The following BARX2 variants were observed in gnomAD, a reference collection of about 807,000 sequenced individuals.
BARX2 encodes the protein BARX homeobox 2, also known as homeobox protein BarH-like 2.
BARX2 carries 11 observed loss-of-function variants against 25.5 expected under a neutral mutation model. That is an observed-to-expected ratio of 0.43 (90% confidence interval 0.27 to 0.71). BARX2 has a LOEUF of 0.71. Ranked by LOEUF, BARX2 falls within the 30% of genes least tolerant of loss-of-function variation. The probability of loss-of-function intolerance (pLI) is 0.19; values close to 1 mark genes in which losing one functional copy is unlikely to be tolerated. For synonymous variants in BARX2, 137 were observed against 149.5 expected (o/e 0.92, Z 0.61); for missense variants, 360 against 359.9 (o/e 1.00, Z 0.00).
chr11:129,416,481 A>G (rs1341753902), intron 1 of BARX2, among the ~76,000 whole-genome samples: 1 of 152,234 alleles, frequency 6.6e-6, no homozygotes, highest in East Asian at 1.9e-4. Flanking sequence ...CCAATGGATT[A>G]TCTTTGGCTA....
At chr11:129,377,697 TATAATA>T (rs1861518345) in intron 1 of BARX2, among the ~76,000 whole-genome samples, 1 of 152,206 alleles carries the variant, frequency 6.6e-6, no homozygotes. Flanking sequence ...CATCCTTTGT[TATAATA>T]ACTCAATTCC....
chr11:129,447,714 T>C (rs76874668), intron 3 of BARX2, among the ~76,000 whole-genome samples: 2,086 of 152,094 alleles, frequency 0.014, 46 homozygotes, highest in African/African-American at 0.045. Flanking sequence ...CCAGGTGGGG[T>C]CCGTCCAAAC....
chr11:129,441,703 G>A (rs1026411019), intron 2 of BARX2, among the ~76,000 whole-genome samples: 2 of 152,180 alleles, frequency 1.3e-5, no homozygotes, highest in Non-Finnish European at 2.9e-5. Context: ...ACCCGCCTCG[G>A]CCTCCCAAAG....
chr11:129,450,750 A>G (rs1335456654), intron 3 of BARX2, among the ~76,000 whole-genome samples: 1 of 152,180 alleles, frequency 6.6e-6, no homozygotes, highest in Non-Finnish European at 1.5e-5. Context: ...AAAGTGTGTA[A>G]CAATCACACT....
At chr11:129,431,439 A>C (rs1365613589) in intron 1 of BARX2, among the ~76,000 whole-genome samples, 1 of 152,198 alleles carries the variant, frequency 6.6e-6, no homozygotes. Flanking sequence ...CAGTTGCTCC[A>C]CATCCTCACC....
At chr11:129,443,220 A>G (rs1862284156) in intron 3 of BARX2, among the ~76,000 whole-genome samples, 1 of 152,076 alleles carries the variant, frequency 6.6e-6, no homozygotes, top group Non-Finnish European at 1.5e-5. Flanking sequence ...CATGTGCAGA[A>G]CATGCAGTTT....
chr11:129,393,408 A>T (rs767975545), intron 1 of BARX2, among the ~76,000 whole-genome samples: 34 of 152,060 alleles, frequency 2.2e-4, no homozygotes, highest in Non-Finnish European at 4.6e-4. Flanking sequence ...AAAATATTAA[A>T]TATTAAATAT....
At chr11:129,441,637 T>TA (rs1555140698) in intron 2 of BARX2, among the ~76,000 whole-genome samples, 1 of 151,768 alleles carries the variant, frequency 6.6e-6, no homozygotes, top group Middle Eastern at 3.2e-3. Flanking sequence ...TTAGTAGAGA[T>TA]GGGGGTCTCA....
rs1194578809 is a variant in BARX2, at chr11:129,412,067, T to C, written c.188-24684T>C. ...GCAGGCAGATCACAAGGTCAGGAGA[T>C]TGACACCATCCTGGCTAACATGGTG... is the stretch of plus-strand genomic sequence containing the variant. On this transcript the variant is annotated intron_variant, in intron 1 of 3. Coordinates refer to ENST00000281437, the MANE Select transcript of BARX2 (RefSeq NM_003658.5). Among the ~76,000 whole-genome samples the C allele has an allele frequency of 6.6e-5, 10 of 152,060 alleles. No individual in the cohort carries two copies. In the East Asian group the frequency reaches 1.7e-3, roughly 26 times the overall value.
chr11:129,404,002 G>C (rs952861652), intron 1 of BARX2, among the ~76,000 whole-genome samples: 2 of 152,128 alleles, frequency 1.3e-5, no homozygotes, highest in Non-Finnish European at 2.9e-5. Context: ...CCAGAACAAG[G>C]GTTTGGAGTC....
chr11:129,446,919 A>T (rs1424536294), intron 3 of BARX2, among the ~76,000 whole-genome samples: 1 of 152,202 alleles, frequency 6.6e-6, no homozygotes, highest in Non-Finnish European at 1.5e-5. Flanking sequence ...GCAGAGAGAG[A>T]CAGAGAAAAA....
At chr11:129,397,256 T>C (rs1358885935) in intron 1 of BARX2, among the ~76,000 whole-genome samples, 1 of 151,098 alleles carries the variant, frequency 6.6e-6, no homozygotes, top group Non-Finnish European at 1.5e-5. Context: ...TGCACTCAGC[T>C]TGGGTGGACA....
intron 1 of BARX2, among the ~76,000 whole-genome samples, chr11:129,381,932 T>G (rs1010099645): frequency 9.8e-5 from 15 of 152,296 alleles, no homozygotes; most frequent in African/African-American, 3.1e-4. Flanking sequence ...TGAAATTCTG[T>G]CGCTCCATGG....
At chr11:129,419,787 A>C (rs1253609274) in intron 1 of BARX2, among the ~76,000 whole-genome samples, 1 of 151,752 alleles carries the variant, frequency 6.6e-6, no homozygotes, top group Non-Finnish European at 1.5e-5. Flanking sequence ...TATTATTATT[A>C]TTCTTGTTTT....
intron 1 of BARX2, among the ~76,000 whole-genome samples, chr11:129,389,366 C>G (rs995492721): frequency 2.6e-5 from 4 of 152,186 alleles, no homozygotes; most frequent in African/African-American, 4.8e-5. Context: ...TACAGCGACA[C>G]TAGCTGCTTT....
chr11:129,448,982 G>A (rs1314337951), intron 3 of BARX2, among the ~76,000 whole-genome samples: 1 of 152,144 alleles, frequency 6.6e-6, no homozygotes, highest in African/African-American at 2.4e-5. Context: ...CCAAAAATAA[G>A]CACATCTGTA....
rs190408648 is a variant in BARX2 at position 129,396,732 on chromosome 11, G to A, written c.187+20510G>A. On this transcript the variant is annotated intron_variant, in intron 1 of 3. Transcript: ENST00000281437. ...AGGAATTGGAGTAATAGAATATGCT[G>A]GAATTTGATGAGGACACTGAGAGCT... is the stretch of plus-strand genomic sequence containing the variant. Among the ~76,000 whole-genome samples, 11 of 152,238 alleles carry A rather than the reference G, an allele frequency of 7.2e-5. No homozygotes were observed. The East Asian group carries it at 1.4e-3, about 19-fold the overall frequency.
At chr11:129,450,625 GATCA>G (rs1393794162) in intron 3 of BARX2, among the ~76,000 whole-genome samples, 11 of 152,304 alleles carry the variant, frequency 7.2e-5, no homozygotes, top group African/African-American at 1.9e-4. Context: ...TATTTTTGCA[GATCA>G]ATCTTTGTCT....
intron 1 of BARX2, among the ~76,000 whole-genome samples, chr11:129,399,893 C>G (rs2135392406): frequency 6.6e-6 from 1 of 152,286 alleles, no homozygotes; most frequent in South Asian, 2.1e-4. Flanking sequence ...TTATGGGAAG[C>G]TGCCTCCCAC....
Sources: allele counts gnomAD v4.1 joint callset (sites outside exome capture counted in the v4.1 genomes callset), GRCh38; gene constraint gnomAD v4.1.1; transcripts MANE v1.5; gene names NCBI Gene and HGNC (gene_info 2026-07-23, HGNC 2026-07-21).